RP1: variants seen among roughly 807,000 people sequenced by gnomAD.
RP1 encodes the protein oxygen-regulated protein 1.
In RP1, 16 loss-of-function variants were observed where a neutral mutation model predicts 14.8. The ratio of observed to expected loss-of-function variants is 1.08; its 90% CI spans 0.73 to 1.65. RP1 has a LOEUF of 1.65. Ranked by LOEUF, RP1 falls within the 40% of genes most tolerant of loss-of-function variation. The probability of loss-of-function intolerance (pLI) is 0.00; values close to 1 mark genes in which losing one functional copy is unlikely to be tolerated. For synonymous variants in RP1, 876 were observed against 883.6 expected (o/e 0.99, Z 0.15); for missense variants, 2,631 against 2,535.0 (o/e 1.04, Z -0.81).
chr8:54,824,965 T>A (rs1274919351), intron 24 of RP1, among the ~76,000 whole-genome samples: 5 of 151,724 alleles, frequency 3.3e-5, no homozygotes, highest in Admixed American at 6.6e-5. Context: ...TCTTTCTTTT[T>A]TTTTTTTAAT....
upstream of RP1, among the ~76,000 whole-genome samples, chr8:54,612,796 C>A (rs965238886): frequency 3.3e-5 from 5 of 152,200 alleles, no homozygotes; most frequent in Non-Finnish European, 7.3e-5. Flanking sequence ...ATACTTCCCA[C>A]AAACCTTTGC....
chr8:54,563,098 C>CAGAG (rs374741167), intron 1 of RP1, among the ~76,000 whole-genome samples: 2 of 150,630 alleles, frequency 1.3e-5, no homozygotes, highest in Admixed American at 1.3e-4. Flanking sequence ...ATCAGCTCTT[C>CAGAG]AGAGAGAGAG....
intron 20 of RP1, chr8:54,755,610 C>T: frequency 6.5e-7 from 1 of 1,535,716 alleles, no homozygotes; most frequent in Non-Finnish European, 8.7e-7. Context: ...CTCCCTGTTG[C>T]TTTGCCAGTA....
upstream of RP1, among the ~76,000 whole-genome samples, chr8:54,611,920 C>G (rs893312892): frequency 6.8e-6 from 1 of 148,072 alleles, no homozygotes; most frequent in African/African-American, 2.5e-5. Context: ...TTCCTATTCC[C>G]CCCTGCCCCC....
chr8:54,601,131 C>T (rs969243442), intron 1 of RP1, among the ~76,000 whole-genome samples: 1 of 152,270 alleles, frequency 6.6e-6, no homozygotes, highest in African/African-American at 2.4e-5. Context: ...TATTGACTTA[C>T]ATGACCTACA....
intron 19 of RP1, among the ~76,000 whole-genome samples, chr8:54,745,705 T>G (rs1274917664): frequency 6.6e-6 from 1 of 152,066 alleles, no homozygotes; most frequent in Admixed American, 6.5e-5. Flanking sequence ...AGCACTGTGT[T>G]TGTTTGTTTT....
At chr8:54,846,707 A>C (rs1238881120) in intron 25 of RP1, among the ~76,000 whole-genome samples, 1 of 151,878 alleles carries the variant, frequency 6.6e-6, no homozygotes, top group Non-Finnish European at 1.5e-5. Context: ...CTTTCTTCTC[A>C]TTTCTGCCCC....
At chr8:54,746,706 G>A (rs1400764057) in intron 19 of RP1, among the ~76,000 whole-genome samples, 1 of 151,844 alleles carries the variant, frequency 6.6e-6, no homozygotes, top group Non-Finnish European at 1.5e-5. Context: ...TTCAAATTGA[G>A]GTAATAAACT....
chr8:54,665,733 A>G (rs1207960475), intron 7 of RP1, among the ~76,000 whole-genome samples: 1 of 152,170 alleles, frequency 6.6e-6, no homozygotes, highest in Non-Finnish European at 1.5e-5. Flanking sequence ...GACTTGTTCT[A>G]TCTCTGGAAT....
At chr8:54,596,689 C>T (rs1805156154) in intron 1 of RP1, among the ~76,000 whole-genome samples, 1 of 152,180 alleles carries the variant, frequency 6.6e-6, no homozygotes, top group Admixed American at 6.5e-5. Flanking sequence ...TCAGTAAGAG[C>T]CAACTCTTTT....
At position 54,628,233 on chromosome 8, in the gene RP1, A is replaced by G. The variant is rs1806135400; in HGVS notation, c.4351A>G (p.Ile1451Val). Residue 1451 changes from isoleucine (I) to valine (V), a missense_variant, in exon 4 of 4, where the codon ATA becomes GTA. By Grantham distance (29) the Ile-to-Val change is conservative. Transcript: ENST00000220676. ...ACGGACTTCTGAAGAACCAGGCTCAATAACCAACAGCATGACATCAAGTGA... is the reference window on the plus strand; with the variant it reads ...ACGGACTTCTGAAGAACCAGGCTCAGTAACCAACAGCATGACATCAAGTGA... ...EPRTSEEPGS[I>V]TNSMTSSERN... 3.7e-6 allele frequency: 6 copies of G among 1,613,908 alleles called. No homozygotes were observed. Among genetic ancestry groups the G allele is most frequent in the African/African-American group, 1.3e-5 (1 of 74,940 alleles).
intron 23 of RP1, among the ~76,000 whole-genome samples, chr8:54,776,181 C>G (rs1362916764): frequency 1.3e-5 from 2 of 151,934 alleles, no homozygotes; most frequent in Non-Finnish European, 2.9e-5. Flanking sequence ...AATATTGTGC[C>G]ATTTTGTTGT....
chr8:54,704,582 G>A (rs935819293), intron 14 of RP1, among the ~76,000 whole-genome samples: 1 of 152,196 alleles, frequency 6.6e-6, no homozygotes, highest in African/African-American at 2.4e-5. Context: ...TGGAAAAATA[G>A]TACTGATAGA....
chr8:54,665,128 G>C (rs149019920), intron 7 of RP1, among the ~76,000 whole-genome samples: 71 of 152,152 alleles, frequency 4.7e-4, no homozygotes, highest in African/African-American at 1.6e-3. Context: ...TCACTGTCTT[G>C]ATGTCTGTAC....
chr8:54,716,369 T>A (rs1382898424), intron 15 of RP1, among the ~76,000 whole-genome samples: 3 of 152,100 alleles, frequency 2.0e-5, no homozygotes, highest in Non-Finnish European at 4.4e-5. Context: ...ATTCTTTTTT[T>A]CTCCTTTCCC....
intron 2 of RP1, 51 bp from the exon 3 acceptor site, chr8:54,622,066 A>G (rs1011228800): frequency 5.7e-6 from 9 of 1,577,032 alleles, no homozygotes; most frequent in South Asian, 1.1e-5. Context: ...TAAAATTACC[A>G]CTTAGTATAA....
At chr8:54,566,008 CTGG>C (rs1389354602) in intron 1 of RP1, among the ~76,000 whole-genome samples, 2 of 152,202 alleles carry the variant, frequency 1.3e-5, no homozygotes, top group Non-Finnish European at 2.9e-5. Context: ...CATCTTCACA[CTGG>C]TGTTCTCCCT....
intron 28 of RP1, among the ~76,000 whole-genome samples, chr8:54,868,711 T>G (rs1285373164): frequency 6.6e-6 from 1 of 152,206 alleles, no homozygotes; most frequent in Non-Finnish European, 1.5e-5. Flanking sequence ...TAAAATTGTT[T>G]TGTCAGAAAG....
At chr8:54,611,925 GC>G (rs1044457406), upstream of RP1, among the ~76,000 whole-genome samples, 3 of 101,296 alleles carry the variant, frequency 3.0e-5, no homozygotes, top group South Asian at 3.5e-4. Context: ...ATTCCCCCCT[GC>G]CCCCCAACCT....
Sources: gnomAD v4.1 joint callset for allele counts (sites outside exome capture counted in the v4.1 genomes callset) on GRCh38, gnomAD v4.1.1 for gene constraint, MANE v1.5 for transcripts, NCBI Gene and HGNC (gene_info 2026-07-23, HGNC 2026-07-21) for gene names.